HECW2: variants seen among roughly 807,000 people sequenced by gnomAD.
HECW2 encodes E3 ubiquitin-protein ligase HECW2.
Under a neutral mutation model 175.2 loss-of-function variants are expected in HECW2, and 61 were observed. The observed-to-expected ratio is 0.35, with a 90% CI of 0.28 to 0.43. The LOEUF is 0.43. Among genes scored for constraint, HECW2 ranks in the 20% least tolerant of loss-of-function variants. The pLI, the probability that HECW2 is intolerant of heterozygous loss-of-function variation, is 1.00. For synonymous variants in HECW2, 671 were observed against 731.0 expected, an observed-to-expected ratio of 0.92 and a Z score of 1.32; for missense variants, 1,524 against 2,000.5, an observed-to-expected ratio of 0.76 and a Z score of 4.54.
chr2:196,260,427 G>C (rs752837730), intron 17 of HECW2: 1 of 152,122 alleles, frequency 6.6e-6, no homozygotes, highest in Non-Finnish European at 1.5e-5. Flanking sequence ...CATTTTCTGC[G>C]TGCCTATTGT....
chr2:196,513,918 C>G (rs1200031898), intron 1 of HECW2, among the ~76,000 whole-genome samples: 2 of 152,240 alleles, frequency 1.3e-5, no homozygotes, highest in African/African-American at 4.8e-5. Context: ...AGCAGCCCAT[C>G]TGGTGCAGCC....
At chr2:196,543,615 AT>A (rs935629351) in intron 1 of HECW2, among the ~76,000 whole-genome samples, 6 of 148,798 alleles carry the variant, frequency 4.0e-5, no homozygotes, top group Non-Finnish European at 6.0e-5. Flanking sequence ...TTCTTTTTTT[AT>A]TTTTTTTTTC....
Position 196,271,298 on chromosome 2 carries a change from A to T in HECW2, c.3239-9T>A, listed in dbSNP as rs921172243. The T allele has an allele frequency of 6.4e-7, 1 of 1,556,776 alleles. No individual in the cohort carries two copies. Among genetic ancestry groups the T allele is most frequent in the South Asian group, 1.1e-5 (1 of 89,402 alleles). ...AATCTTGTCATTGTAAGCTGAAAAA[A>T]AAATCAGAAAAGACAACAATTTAAA... On this transcript the variant is annotated splice_polypyrimidine_tract_variant and intron_variant, in intron 16 of 28. Transcript: ENST00000644978.
Position 196,555,062 on chromosome 2 carries a change from G to A in HECW2, c.-36+38446C>T, listed in dbSNP as rs188034569. Among the ~76,000 whole-genome samples the A allele has an allele frequency of 2.6e-5, 4 of 152,158 alleles. No homozygotes were observed. The East Asian group carries it at 7.7e-4, about 29-fold the overall frequency. ...AGGTCGCCCAAAATACAGACACTGAGAATAAGGATAAATATGGCCTAAAAT... is the reference window on the plus strand; with the variant it reads ...AGGTCGCCCAAAATACAGACACTGAAAATAAGGATAAATATGGCCTAAAAT... On this transcript the variant is annotated intron_variant, in intron 1 of 28. Transcript: ENST00000644978.
At chr2:196,334,322 T>C in intron 4 of HECW2, 102 bp downstream of exon 4, 1 of 865,018 alleles carries the variant, frequency 1.2e-6, no homozygotes, top group Non-Finnish European at 1.8e-6. Flanking sequence ...TGTGTTTCCT[T>C]TTTCATTGTT....
chr2:196,351,372 A>C (rs373244885), intron 2 of HECW2, among the ~76,000 whole-genome samples: 19 of 152,206 alleles, frequency 1.2e-4, no homozygotes, highest in African/African-American at 4.6e-4. Context: ...TTAAGATAAT[A>C]AGAGAATATA....
In HECW2 at chr2:196,319,453, T is replaced by A; in HGVS notation, c.1437A>T (p.Pro479=). 6.2e-7 allele frequency: 1 copy of A among 1,614,036 alleles called. No homozygotes were observed. Among genetic ancestry groups the A allele is most frequent in the South Asian group, 1.1e-5 (1 of 91,050 alleles). The change falls in exon 9 of 29, where the codon CCA becomes CCT. Residue 479 remains proline (P), a synonymous_variant. Coordinates refer to ENST00000644978, the MANE Select transcript of HECW2 (RefSeq NM_001348768.2). ...GGCCTCCCTCCTCCTCCAAGGAAGATGGGTAACCCAGGTCTTGCTGGAACT... is the reference window on the plus strand; with the variant it reads ...GGCCTCCCTCCTCCTCCAAGGAAGAAGGGTAACCCAGGTCTTGCTGGAACT... ...DHEFQQDLGY[P]SSLEEEGGLI...
At chr2:196,505,619 A>C (rs1687733868) in intron 1 of HECW2, among the ~76,000 whole-genome samples, 2 of 152,250 alleles carry the variant, frequency 1.3e-5, no homozygotes, top group African/African-American at 4.8e-5. Flanking sequence ...AGACCAATAA[A>C]GCAGACAAAT....
chr2:196,308,076 G>A lies in HECW2; in HGVS notation c.2444C>T (p.Ala815Val). ...GATCCTGCCGTGGCTGTCAATGCGT[G>A]CCTCCCAGTCTAAATGGCAGTGAGG... Reference protein sequence around the residue: ...VDEALPPNWEARIDSHGRIFY... With the variant: ...VDEALPPNWEVRIDSHGRIFY... The change falls in exon 11 of 29, where the codon GCA (alanine) becomes GTA (valine). Residue 815 changes from alanine to valine, a missense_variant. By Grantham distance (64) the Ala-to-Val change is moderately conservative. Transcript: ENST00000644978. 6.3e-7 allele frequency: 1 copy of A among 1,584,782 alleles called. No homozygotes were observed. The highest frequency in any genetic ancestry group is 8.6e-7 in the Non-Finnish European group (1 of 1,159,326).
chr2:196,494,262 G>C (rs1687302651), intron 1 of HECW2, among the ~76,000 whole-genome samples: 1 of 152,206 alleles, frequency 6.6e-6, no homozygotes, highest in Admixed American at 6.5e-5. Flanking sequence ...AAGCTGATAT[G>C]CTGGCGGGGG....
chr2:196,284,717 G>C (rs889590504), intron 14 of HECW2, among the ~76,000 whole-genome samples: 2 of 152,180 alleles, frequency 1.3e-5, no homozygotes, highest in Non-Finnish European at 2.9e-5. Flanking sequence ...CCTAGTTCAA[G>C]CCAGCAATGA....
chr2:196,324,279 C>G (rs1692066204), intron 6 of HECW2, among the ~76,000 whole-genome samples: 1 of 152,124 alleles, frequency 6.6e-6, no homozygotes, highest in Admixed American at 6.6e-5. Flanking sequence ...GCTTTGCTCA[C>G]TAGATAAGAA....
intron 14 of HECW2, chr2:196,289,996 T>C (rs1034294619): frequency 6.6e-6 from 1 of 152,228 alleles, no homozygotes; most frequent in African/African-American, 2.4e-5. Context: ...AAAGTCTTAA[T>C]GCATGACAGA....
At chr2:196,441,373 CACACACAA>C (rs1696036934) in intron 1 of HECW2, among the ~76,000 whole-genome samples, 1 of 19,878 alleles carries the variant, frequency 5.0e-5, no homozygotes, top group Admixed American at 7.1e-4. Context: ...ATACAACACA[CACACACAA>C]ACACACACAC....
intron 1 of HECW2, among the ~76,000 whole-genome samples, chr2:196,505,193 T>C (rs897011559): frequency 1.3e-5 from 2 of 152,064 alleles, no homozygotes; most frequent in Admixed American, 6.6e-5. Context: ...TTTAAAGTAA[T>C]TTAAAAAACC....
chr2:196,451,271 T>C (rs923892017), intron 1 of HECW2, among the ~76,000 whole-genome samples: 1 of 151,430 alleles, frequency 6.6e-6, no homozygotes, highest in Non-Finnish European at 1.5e-5. Context: ...CCGTCTCTAC[T>C]AAAAATACAA....
chr2:196,275,295 C>T (rs1207568610), intron 15 of HECW2, among the ~76,000 whole-genome samples: 1 of 152,122 alleles, frequency 6.6e-6, no homozygotes, highest in Admixed American at 6.5e-5. Context: ...TCAATTATAC[C>T]TCACTAAAGC....
Position 196,319,004 on chromosome 2 carries a change from C to G in HECW2, c.1886G>C (p.Ser629Thr), listed in dbSNP as rs199979132. 1.7e-5 allele frequency: 27 copies of G among 1,613,804 alleles called. No homozygotes were observed. The highest frequency in any genetic ancestry group is 2.2e-5 in the Non-Finnish European group (26 of 1,179,930). The change falls in exon 9 of 29, where the codon AGC becomes ACC. Residue 629 changes from serine to threonine, a missense_variant. By Grantham distance (58) the Ser-to-Thr change is moderately conservative (BLOSUM62 1). Transcript: ENST00000644978. Reference sequence around the variant, plus strand: ...GTCACTCTCTCCCTCAGGCCTGGTGCTGGCTTCGCTCACACTCTCTGTCCT... The same window carrying G: ...GTCACTCTCTCCCTCAGGCCTGGTGGTGGCTTCGCTCACACTCTCTGTCCT... ...PARTESVSEA[S>T]TRPEGESDLE...
At chr2:196,300,504 C>T (rs1370274992) in intron 13 of HECW2, among the ~76,000 whole-genome samples, 1 of 152,194 alleles carries the variant, frequency 6.6e-6, no homozygotes, top group Non-Finnish European at 1.5e-5. Context: ...ACATGTCTCC[C>T]TTTTACACTG....
Sources: allele counts gnomAD v4.1 joint callset (sites outside exome capture counted in the v4.1 genomes callset), GRCh38; gene constraint gnomAD v4.1.1; transcripts MANE v1.5; gene names NCBI Gene and HGNC (gene_info 2026-07-23, HGNC 2026-07-21).